UNKL: variants seen among roughly 807,000 people sequenced by gnomAD.
UNKL encodes the protein putative E3 ubiquitin-protein ligase UNKL.
A neutral mutation model predicts 78.0 loss-of-function variants in UNKL; 60 were observed. The observed-to-expected ratio is 0.77, with a 90% CI of 0.63 to 0.95. UNKL has a LOEUF of 0.95. Ranked by LOEUF, UNKL falls within the 40% of genes least tolerant of loss-of-function variation. The probability of loss-of-function intolerance (pLI) is 0.00; values close to 1 mark genes in which losing one functional copy is unlikely to be tolerated. For missense variants in UNKL, 1,159 were observed against 1,045.7 expected (o/e 1.11, Z -1.49); for synonymous variants, 608 against 474.8 (o/e 1.28, Z -3.65).
chr16:1,412,435 A>C (rs1195332386), intron 2 of UNKL, among the ~76,000 whole-genome samples: 4 of 151,792 alleles, frequency 2.6e-5, no homozygotes, highest in Admixed American at 6.6e-5. Context: ...ACATGGCGAA[A>C]CCTCAACTCT....
intron 10 of UNKL, among the ~76,000 whole-genome samples, chr16:1,380,673 A>ATTTTTTTTT (rs57595079): frequency 3.0e-4 from 30 of 99,386 alleles, no homozygotes; most frequent in African/African-American, 8.9e-4. Flanking sequence ...CTGGTTCAGG[A>ATTTTTTTTT]TTTTTTTTTT....
At chr16:1,370,503 C>A in intron 11 of UNKL, 146 bp from the exon 12 acceptor site, 1 of 1,328,214 alleles carries the variant, frequency 7.5e-7, no homozygotes, top group Non-Finnish European at 1.0e-6. Context: ...AGGCCAGCCA[C>A]CACCATCTAT....
intron 7 of UNKL, among the ~76,000 whole-genome samples, chr16:1,393,758 G>C (rs60117746): frequency 6.6e-6 from 1 of 152,172 alleles, no homozygotes; most frequent in East Asian, 1.9e-4. Flanking sequence ...TGGCAGTCTC[G>C]GAGCAAGGCC....
chr16:1,387,544 G>A lies in UNKL; in HGVS notation c.1087-2159C>T, dbSNP rs555351179. The stretch of plus-strand genomic sequence containing the variant: ...GATGGCTTGGATCGGGGAGGGAGCC[G>A]ACCTTCTCTACCAGCAAAGGACAGG... On this transcript the variant is annotated intron_variant, in intron 9 of 14. Transcript: ENST00000389221. The surrounding 1 kb of genome is among the most constrained non-coding windows in gnomAD (Gnocchi z 4.1). Among the ~76,000 whole-genome samples, 2 of 152,242 alleles carry A rather than the reference G, an allele frequency of 1.3e-5. No homozygotes were observed. Among genetic ancestry groups the A allele is most frequent in the East Asian group, 1.9e-4 (1 of 5,182 alleles).
At chr16:1,396,657 G>C in intron 6 of UNKL, among the ~76,000 whole-genome samples, 1 of 151,922 alleles carries the variant, frequency 6.6e-6, no homozygotes, top group Non-Finnish European at 1.5e-5. Context: ...GCAGTGGCAC[G>C]ATCTCAGCTC....
chr16:1,382,762 A>G (rs2142076242), intron 10 of UNKL, among the ~76,000 whole-genome samples: 1 of 151,548 alleles, frequency 6.6e-6, no homozygotes, highest in Non-Finnish European at 1.5e-5. Context: ...GTTCAAGACC[A>G]GCCTGGCCAA....
intron 14 of UNKL, 132 bp from the exon 15 acceptor site, chr16:1,366,527 G>A (rs2035267837): frequency 1.6e-6 from 2 of 1,224,428 alleles, no homozygotes; most frequent in Non-Finnish European, 2.2e-6. Flanking sequence ...ACAGGGTCAG[G>A]GAGACGCCCC....
At chr16:1,378,765 C>G (rs943067091) in intron 10 of UNKL, 2 of 151,898 alleles carry the variant, frequency 1.3e-5, no homozygotes, top group Non-Finnish European at 2.9e-5. Context: ...GCCAAGTGCC[C>G]CTCATCCAAA....
chr16:1,385,246 G>C lies in UNKL; in HGVS notation c.1226C>G (p.Pro409Arg), dbSNP rs550441093. 7.6e-7 allele frequency: 1 copy of C among 1,312,010 alleles called. No homozygotes were observed. Among genetic ancestry groups the C allele is most frequent in the Admixed American group, 4.1e-5 (1 of 24,186 alleles). The allele number at this position is 1,312,010 out of a possible 1,614,324, so 81.3% of individuals were successfully genotyped here. Residue 409 changes from proline (P) to arginine (R), a missense_variant, in exon 10 of 15, where the codon CCG becomes CGG. Physicochemically the swap from Pro to Arg is moderately radical, Grantham distance 103. Coordinates refer to ENST00000389221, the MANE Select transcript of UNKL (RefSeq NM_001372107.1). Reference sequence around the variant, plus strand: ...CACAGTGCTGCTGGCGGGGCCGAGCGGGAGGGCACGGGCGGGGGGCGCGGG... The same window carrying C: ...CACAGTGCTGCTGGCGGGGCCGAGCCGGAGGGCACGGGCGGGGGGCGCGGG... ...ALPAPPARALPLGPASSTVEA... is the reference protein window; with the variant it reads ...ALPAPPARALRLGPASSTVEA...
chr16:1,381,934 C>T (rs898046152), intron 10 of UNKL, among the ~76,000 whole-genome samples: 1 of 152,114 alleles, frequency 6.6e-6, no homozygotes, highest in East Asian at 1.9e-4. Context: ...CAGGGCAAGA[C>T]CCTGTCTTAA....
In UNKL at chr16:1,370,397, G is replaced by A. The variant is rs767594052; in HGVS notation, c.1358-40C>T. On this transcript the variant is annotated intron_variant, in intron 11 of 14. Coordinates refer to ENST00000389221, the MANE Select transcript of UNKL (RefSeq NM_001372107.1). ...CCAGTCAGCGAAGGGAGTACCGCCA[G>A]GCCTCTGCCCAAACATCTGCCATGG... is the stretch of plus-strand genomic sequence containing the variant. 67 of 1,525,382 alleles carry A rather than the reference G, an allele frequency of 4.4e-5. 2 individuals are homozygous for A. In the South Asian group the frequency reaches 7.3e-4, roughly 17 times the overall value. The allele number at this position is 1,525,382 out of a possible 1,614,324, so 94.5% of individuals were successfully genotyped here. A position where few individuals can be genotyped will look rare whatever the true frequency, so the allele number is the denominator to read the frequency against.
intron 4 of UNKL, 48 bp downstream of exon 4, chr16:1,401,520 T>TGGGGGGG: frequency 6.8e-7 from 1 of 1,466,146 alleles, no homozygotes; most frequent in Non-Finnish European, 9.1e-7. Context: ...GTTCTCGCGC[T>TGGGGGGG]GTGCCCGCCC....
rs1444089487 is a variant in UNKL at position 1,367,476 on chromosome 16, C to A, written c.1789-127G>T. ...CAGCTGTGGCCCCCTCACCTGAGAC[C>A]CCTGCGGCCCTCCCTCCCTCCCTCC... On this transcript the variant is annotated intron_variant, in intron 13 of 14. Coordinates refer to ENST00000389221, the MANE Select transcript of UNKL (RefSeq NM_001372107.1). The A allele has an allele frequency of 7.9e-6, 9 of 1,139,370 alleles. No individual in the cohort carries two copies. The Admixed American group carries it at 2.4e-4, about 31-fold the overall frequency. The allele number at this position is 1,139,370 out of a possible 1,614,324, so 70.6% of individuals were successfully genotyped here.
At position 1,370,311 on chromosome 16, in the gene UNKL, G is replaced by A. The variant is rs992016710; in HGVS notation, c.1404C>T (p.Ser468=). Residue 468 remains serine, a synonymous_variant, in exon 12 of 15, where the codon TCC becomes TCT. Coordinates refer to ENST00000389221, the MANE Select transcript of UNKL (RefSeq NM_001372107.1). ...AGTGTAGCGATGGTGCTCTGGGCAG[G>A]GAGCCGGGGATGGCGACAGGTGCAG... ...AGSAPVAIPG[S]LPRAPSLHSP... is the part of the protein sequence containing the mutation. 5.9e-6 allele frequency: 9 copies of A among 1,533,630 alleles called. No homozygotes were observed. The highest frequency in any genetic ancestry group is 7.9e-6 in the Non-Finnish European group (9 of 1,145,970).
Position 1,413,906 on chromosome 16 carries a change from C to T in UNKL, c.227G>A (p.Ser76Asn), listed in dbSNP as rs775636572. Residue 76 changes from serine to asparagine, a missense_variant, in exon 2 of 15, where the codon AGC becomes AAC. Physicochemically the swap from Ser to Asn is conservative, Grantham distance 46 (BLOSUM62 1). Coordinates refer to ENST00000389221, the MANE Select transcript of UNKL (RefSeq NM_001372107.1). The part of the protein sequence containing the change: ...LRRRDGTFNY[S>N]PDVYCSKYNE... Reference sequence around the variant, plus strand: ...GTACTTGGAGCAGTACACGTCGGGGCTGTAGTTGAAGGTGCCGTCGCGCCT... The same window carrying T: ...GTACTTGGAGCAGTACACGTCGGGGTTGTAGTTGAAGGTGCCGTCGCGCCT... 2 of 1,558,946 alleles carry T rather than the reference C, an allele frequency of 1.3e-6. No individual in the cohort carries two copies. The highest frequency in any genetic ancestry group is 2.4e-5 in the South Asian group (2 of 84,706).
rs536018331 is a variant in UNKL at position 1,403,881 on chromosome 16, G to C, written c.288-537C>G. ...CACGAGGGGGATGGGCAGAAGAGGC[G>C]GCAGATGGCGTGGTGGGGAACACAG... On this transcript the variant is annotated intron_variant, in intron 2 of 14. Transcript: ENST00000389221. The surrounding 1 kb of genome is among the most constrained non-coding windows in gnomAD (Gnocchi z 4.8). Among the ~76,000 whole-genome samples, 1 of 152,078 alleles carries C rather than the reference G, an allele frequency of 6.6e-6. No individual in the cohort carries two copies. The highest frequency in any genetic ancestry group is 1.5e-5 in the Non-Finnish European group (1 of 68,004).
intron 10 of UNKL, chr16:1,379,592 A>C (rs926468649): frequency 4.1e-5 from 40 of 984,802 alleles, no homozygotes; most frequent in Non-Finnish European, 4.7e-5. Flanking sequence ...CGAGACCCGC[A>C]CCTTGGCGGC....
At chr16:1,374,524 C>T (rs1343186208) in intron 10 of UNKL, among the ~76,000 whole-genome samples, 2 of 152,158 alleles carry the variant, frequency 1.3e-5, no homozygotes, top group African/African-American at 4.8e-5. Context: ...TGGGGGTCGG[C>T]GCGCCGGGAA....
Position 1,403,157 on chromosome 16 carries a change from T to C in UNKL, c.464+11A>G. 6.2e-7 allele frequency: 1 copy of C among 1,604,746 alleles called. No homozygotes were observed. Among genetic ancestry groups the C allele is most frequent in the Non-Finnish European group, 8.5e-7 (1 of 1,175,060 alleles). ...GGCAGGCCAAGTGCCCACTCGTGGA[T>C]GCCCACTCACCTGACGTCACACACG... is the stretch of plus-strand genomic sequence containing the variant. On this transcript the variant is annotated intron_variant, in intron 3 of 14. Transcript: ENST00000389221. The surrounding 1 kb of genome is among the most constrained non-coding windows in gnomAD (Gnocchi z 4.8).
Sources: allele counts gnomAD v4.1 joint callset (sites outside exome capture counted in the v4.1 genomes callset), GRCh38; gene constraint gnomAD v4.1.1; non-coding constraint Gnocchi (gnomAD v3.1); transcripts MANE v1.5; gene names NCBI Gene and HGNC (gene_info 2026-07-23, HGNC 2026-07-21).